The following WWC2 variants were observed in gnomAD, a reference collection of about 807,000 sequenced individuals.
WWC2 encodes the protein protein WWC2.
WWC2 carries 101 observed loss-of-function variants against 138.5 expected under a neutral mutation model. The observed-to-expected ratio is 0.73, with a 90% CI of 0.62 to 0.86. The LOEUF is 0.86. Among genes scored for constraint, WWC2 ranks in the 40% least tolerant of loss-of-function variants. The pLI, the probability that WWC2 is intolerant of heterozygous loss-of-function variation, is 0.00. For synonymous variants in WWC2, 558 were observed against 538.4 expected (o/e 1.04, Z -0.50); for missense variants, 1,420 against 1,419.4 (o/e 1.00, Z -0.01).
In WWC2 at chr4:183,285,949, T is replaced by A. The variant is rs201183650; in HGVS notation, c.3049-18T>A. On this transcript the variant is annotated intron_variant, in intron 19 of 22. Transcript: ENST00000403733. ...GTTTGATATGCAGTGATTTTTTTTT[T>A]AAATCTTTTGTTGCCAGTTAAATCG... 194 of 1,563,150 alleles carry A rather than the reference T, an allele frequency of 1.2e-4. No homozygotes were observed. In the East Asian group the frequency reaches 3.5e-3, roughly 28 times the overall value.
chr4:183,187,552 C>CG (rs1734843950), intron 1 of WWC2, among the ~76,000 whole-genome samples: 1 of 12,544 alleles, frequency 8.0e-5, no homozygotes, highest in African/African-American at 3.0e-4. Context: ...GACTCCGTCT[C>CG]AAAATAATAA....
At chr4:183,238,161 T>C (rs1736488099) in intron 4 of WWC2, among the ~76,000 whole-genome samples, 1 of 152,208 alleles carries the variant, frequency 6.6e-6, no homozygotes, top group Non-Finnish European at 1.5e-5. Flanking sequence ...TAAAGAAAAC[T>C]CTTCCTCTTT....
intron 1 of WWC2, among the ~76,000 whole-genome samples, chr4:183,157,734 C>T (rs1293435193): frequency 6.6e-6 from 1 of 151,986 alleles, no homozygotes; most frequent in Non-Finnish European, 1.5e-5. Context: ...ATCTCCTGAC[C>T]TTGTGATCCG....
intron 21 of WWC2, among the ~76,000 whole-genome samples, chr4:183,290,119 T>C (rs1376191490): frequency 6.6e-6 from 1 of 152,228 alleles, no homozygotes; most frequent in Non-Finnish European, 1.5e-5. Flanking sequence ...TTCACTTTCA[T>C]TCTTATCTTA....
chr4:183,281,060 T>A, intron 17 of WWC2, 163 bp downstream of exon 17: 1 of 1,026,608 alleles, frequency 9.7e-7, no homozygotes. Context: ...ATTAGAGAGT[T>A]AAGGAAGTAA....
At chr4:183,174,800 T>C (rs1308312750) in intron 1 of WWC2, among the ~76,000 whole-genome samples, 1 of 151,700 alleles carries the variant, frequency 6.6e-6, no homozygotes, top group Non-Finnish European at 1.5e-5. Context: ...TTCTCCTTTC[T>C]CTCTCTCTCT....
rs142666220 is a variant in WWC2 at position 183,236,193 on chromosome 4, A to G, written c.523-3990A>G. On this transcript the variant is annotated intron_variant, in intron 4 of 22. Transcript: ENST00000403733. ...TTATGGATTTGTTTGCTGGTTTTCTATGTCAATGTGTCTGTCTTTATGCCA... is the reference window on the plus strand; with the variant it reads ...TTATGGATTTGTTTGCTGGTTTTCTGTGTCAATGTGTCTGTCTTTATGCCA... Among the ~76,000 whole-genome samples, 1,352 of 152,246 alleles carry G rather than the reference A, an allele frequency of 8.9e-3. 35 individuals are homozygous for G. The highest frequency in any genetic ancestry group is 0.031 in the African/African-American group (1,274 of 41,552).
intron 17 of WWC2, 94 bp downstream of exon 17, chr4:183,280,991 G>A: frequency 6.9e-7 from 1 of 1,447,872 alleles, no homozygotes; most frequent in Admixed American, 2.9e-5. Flanking sequence ...CTTTATTCCA[G>A]AATGATGGAA....
chr4:183,150,647 T>G (rs527562279), intron 1 of WWC2, among the ~76,000 whole-genome samples: 1 of 152,202 alleles, frequency 6.6e-6, no homozygotes, highest in African/African-American at 2.4e-5. Flanking sequence ...GTCATTTACA[T>G]TAAGTATTTC....
At chr4:183,261,619 G>A (rs1490534315) in intron 11 of WWC2, 87 bp downstream of exon 11, 1 of 1,399,388 alleles carries the variant, frequency 7.1e-7, no homozygotes, top group Non-Finnish European at 9.5e-7. Context: ...ATAAACAAAG[G>A]GTATGATTCC....
In WWC2 at chr4:183,319,292, C is replaced by G; in HGVS notation, c.*3563C>G. 1 of 394,360 alleles carries G rather than the reference C, an allele frequency of 2.5e-6. No individual in the cohort carries two copies. Among genetic ancestry groups the G allele is most frequent in the Admixed American group, 4.2e-5 (1 of 23,752 alleles). 24.4% of individuals were successfully genotyped at this position (394,360 alleles called of 1,614,324 possible). ...ATAGAGATTAATGTTTTATTTACCA[C>G]TTCTGTGCAATCGCTATTTTAAAAT... On this transcript the variant is annotated 3_prime_UTR_variant, in exon 23 of 23. Coordinates refer to ENST00000403733, the MANE Select transcript of WWC2 (RefSeq NM_024949.6).
chr4:183,223,374 G>A (rs1287027117), intron 4 of WWC2, among the ~76,000 whole-genome samples: 2 of 152,212 alleles, frequency 1.3e-5, no homozygotes, highest in Non-Finnish European at 2.9e-5. Context: ...TACATGAGTA[G>A]AGAGAATAGT....
intron 1 of WWC2, among the ~76,000 whole-genome samples, chr4:183,149,472 A>G (rs1733573990): frequency 1.3e-5 from 2 of 152,020 alleles, no homozygotes. Context: ...AAAATACAAA[A>G]TTAGCCAGGT....
In WWC2 at chr4:183,308,781, A is replaced by G. The variant is rs531683502; in HGVS notation, c.3385-3560A>G. Among the ~76,000 whole-genome samples the G allele has an allele frequency of 2.6e-5, 4 of 152,340 alleles. No homozygotes were observed. In the East Asian group the frequency reaches 7.7e-4, roughly 29 times the overall value. On this transcript the variant is annotated intron_variant, in intron 21 of 22. Transcript: ENST00000403733. ...TATTTAATGACAGTAGTAATACAGT[A>G]TAATGTAGTAATAATAATGTCATTA...
At chr4:183,235,877 A>G (rs1217223799) in intron 4 of WWC2, among the ~76,000 whole-genome samples, 1 of 152,162 alleles carries the variant, frequency 6.6e-6, no homozygotes, top group Non-Finnish European at 1.5e-5. Flanking sequence ...TCATAATCCA[A>G]ATGATTTTTT....
chr4:183,233,192 T>C (rs79778671), intron 4 of WWC2, among the ~76,000 whole-genome samples: 4,201 of 144,630 alleles, frequency 0.029, 249 homozygotes, highest in African/African-American at 0.11. Context: ...GTCTTGCTCT[T>C]GTCCCCTAGG....
At chr4:183,114,342 A>G (rs771067339) in intron 1 of WWC2, among the ~76,000 whole-genome samples, 2 of 152,186 alleles carry the variant, frequency 1.3e-5, no homozygotes. Flanking sequence ...CATAGGTCCA[A>G]TTAAACCTCT....
At chr4:183,129,371 T>C (rs539179921) in intron 1 of WWC2, among the ~76,000 whole-genome samples, 21 of 152,266 alleles carry the variant, frequency 1.4e-4, no homozygotes, top group African/African-American at 5.1e-4. Context: ...TCTATACTTA[T>C]CCTGGGATGA....
At chr4:183,239,657 C>G (rs1489049770) in intron 4 of WWC2, among the ~76,000 whole-genome samples, 1 of 152,126 alleles carries the variant, frequency 6.6e-6, no homozygotes, top group Non-Finnish European at 1.5e-5. Context: ...ATACTCTGGT[C>G]TAAATAAAAC....
Sources: allele counts gnomAD v4.1 joint callset (sites outside exome capture counted in the v4.1 genomes callset), GRCh38; gene constraint gnomAD v4.1.1; transcripts MANE v1.5; gene names NCBI Gene and HGNC (gene_info 2026-07-23, HGNC 2026-07-21).